Variants in DHX38 observed in about 807,000 individuals in gnomAD.
DHX38 encodes pre-mRNA-splicing factor ATP-dependent RNA helicase PRP16.
DHX38 carries 100 observed loss-of-function variants against 153.1 expected under a neutral mutation model. The ratio of observed to expected loss-of-function variants is 0.65; its 90% CI spans 0.56 to 0.77. DHX38 has a LOEUF of 0.77. Ranked by LOEUF, DHX38 falls within the 30% of genes least tolerant of loss-of-function variation. The probability of loss-of-function intolerance (pLI) is 0.00; values close to 1 mark genes in which losing one functional copy is unlikely to be tolerated. For missense variants in DHX38, 1,440 were observed against 1,654.0 expected (o/e 0.87, Z 2.24); for synonymous variants, 650 against 631.7 (o/e 1.03, Z -0.43).
At position 72,099,893 on chromosome 16, in the gene DHX38, G is replaced by T. The variant is rs113909025; in HGVS notation, c.1116+6G>T. On this transcript the variant is annotated splice_donor_region_variant and intron_variant, in intron 8 of 26. Transcript: ENST00000268482. ...AGCGGAGACAGATCAATGAGGTGAG[G>T]CTGCCTGCAGAAGTTGGAGCAGATT... 1 of 1,596,242 alleles carries T rather than the reference G, an allele frequency of 6.3e-7. No homozygotes were observed. Among genetic ancestry groups the T allele is most frequent in the African/African-American group, 1.3e-5 (1 of 74,614 alleles).
intron 19 of DHX38, 116 bp downstream of exon 19, chr16:72,106,233 G>C: frequency 1.2e-6 from 1 of 866,882 alleles, no homozygotes; most frequent in South Asian, 1.6e-5. Context: ...GCTGGAAGCT[G>C]CTGGCAGGGC....
At chr16:72,111,812 A>T (rs1476894977) in intron 26 of DHX38, among the ~76,000 whole-genome samples, 1 of 152,314 alleles carries the variant, frequency 6.6e-6, no homozygotes, top group East Asian at 1.9e-4. Context: ...TTACTTAGGC[A>T]TGAATGACTG....
intron 19 of DHX38, 52 bp downstream of exon 19, chr16:72,106,169 C>A (rs781773082): frequency 1.3e-6 from 2 of 1,572,118 alleles, no homozygotes; most frequent in Admixed American, 3.4e-5. Flanking sequence ...GGTTGCTGAG[C>A]GTGGAGCCCG....
chr16:72,107,857 G>A lies in DHX38; in HGVS notation c.2964+58G>A, dbSNP rs2042201267. 6.3e-7 allele frequency: 1 copy of A among 1,583,822 alleles called. No homozygotes were observed. Among genetic ancestry groups the A allele is most frequent in the Admixed American group, 1.7e-5 (1 of 58,840 alleles). On this transcript the variant is annotated intron_variant, in intron 21 of 26. Coordinates refer to ENST00000268482, the MANE Select transcript of DHX38 (RefSeq NM_014003.4). The surrounding 1 kb of genome is among the most constrained non-coding windows in gnomAD (Gnocchi z 5.3). ...GGGCTCGAGGAAGTGTTGGGGAGGG[G>A]AATGGCTTCTCTCTGTATTACTGAA...
At position 72,110,953 on chromosome 16, in the gene DHX38, T is replaced by C. The variant is rs1287382264; in HGVS notation, c.3478-3T>C. The C allele has an allele frequency of 6.3e-7, 1 of 1,585,984 alleles. No homozygotes were observed. Among genetic ancestry groups the C allele is most frequent in the Non-Finnish European group, 8.6e-7 (1 of 1,165,648 alleles). ...CTCAGCCAGGTCTGTCCCTCTTCAA[T>C]AGGAGAACCGTCGTCGGGCCAAAGA... is the stretch of plus-strand genomic sequence containing the variant. On this transcript the variant is annotated splice_polypyrimidine_tract_variant and splice_region_variant and intron_variant, in intron 25 of 26. Coordinates refer to ENST00000268482, the MANE Select transcript of DHX38 (RefSeq NM_014003.4).
rs75904207 is a variant in DHX38, at chr16:72,095,727, A to G, written c.-19-412A>G. Among the ~76,000 whole-genome samples, 297 of 152,352 alleles carry G rather than the reference A, an allele frequency of 1.9e-3. 1 individual carries two copies. Among genetic ancestry groups the G allele is most frequent in the African/African-American group, 6.5e-3 (270 of 41,580 alleles). On this transcript the variant is annotated intron_variant, in intron 1 of 26. Coordinates refer to ENST00000268482, the MANE Select transcript of DHX38 (RefSeq NM_014003.4). ...GTTATTTGCTTACCATCATACAGGTAGAAAGTGTCAAGAGCCTGGTTTCTA... is the reference window on the plus strand; with the variant it reads ...GTTATTTGCTTACCATCATACAGGTGGAAAGTGTCAAGAGCCTGGTTTCTA...
rs766823639 is a variant in DHX38, at chr16:72,107,539, G to T, written c.2800G>T (p.Asp934Tyr). The change falls in exon 20 of 27, where the codon GAC becomes TAC. Residue 934 changes from aspartate (D) to tyrosine (Y), a missense_variant. Coordinates refer to ENST00000268482, the MANE Select transcript of DHX38 (RefSeq NM_014003.4). The surrounding 1 kb of genome is among the most constrained non-coding windows in gnomAD (Gnocchi z 5.3). Reference protein sequence around the residue: ...MYQLWILGALDNTGGLTSTGR... With the variant: ...MYQLWILGALYNTGGLTSTGR... ...TCAGCTCTGGATCCTCGGGGCCCTG[G>T]ACAACACAGGTGAGGCGGCCCCGGG... is the stretch of plus-strand genomic sequence containing the variant. 6.2e-7 allele frequency: 1 copy of T among 1,613,236 alleles called. No individual in the cohort carries two copies. Among genetic ancestry groups the T allele is most frequent in the South Asian group, 1.1e-5 (1 of 91,058 alleles).
At chr16:72,100,932 C>CAA in intron 9 of DHX38, 154 bp from the exon 10 acceptor site, 5 of 749,162 alleles carry the variant, frequency 6.7e-6, no homozygotes, top group Non-Finnish European at 1.1e-5. Flanking sequence ...GTCTCACACA[C>CAA]AAAAAAGGCC....
At chr16:72,099,412 T>C in intron 7 of DHX38, 132 bp downstream of exon 7, 1 of 837,486 alleles carries the variant, frequency 1.2e-6, no homozygotes, top group South Asian at 1.8e-5. Flanking sequence ...GGAGTCTCTT[T>C]GCAGAGGCAT....
intron 1 of DHX38, 68 bp downstream of exon 1, chr16:72,094,119 G>C (rs1037582489): frequency 3.3e-5 from 5 of 152,640 alleles, no homozygotes; most frequent in African/African-American, 1.2e-4. Context: ...GGCGGATATT[G>C]GTCCCCTGCT....
At position 72,105,631 on chromosome 16, in the gene DHX38, G is replaced by A; in HGVS notation, c.2487+7G>A. The A allele has an allele frequency of 6.2e-7, 1 of 1,613,988 alleles. No homozygotes were observed. Among genetic ancestry groups the A allele is most frequent in the Non-Finnish European group, 8.5e-7 (1 of 1,179,878 alleles). ...TGGTTATTGCAAATTAAAGGTAAGAGAAGACATGGGAGGCAAGGCCTGGGT... is the reference window on the plus strand; with the variant it reads ...TGGTTATTGCAAATTAAAGGTAAGAAAAGACATGGGAGGCAAGGCCTGGGT... On this transcript the variant is annotated splice_region_variant and intron_variant, in intron 18 of 26. Coordinates refer to ENST00000268482, the MANE Select transcript of DHX38 (RefSeq NM_014003.4).
At chr16:72,095,367 T>C (rs1196923154) in intron 1 of DHX38, among the ~76,000 whole-genome samples, 4 of 152,176 alleles carry the variant, frequency 2.6e-5, no homozygotes, top group Non-Finnish European at 5.9e-5. Flanking sequence ...TTGTTTTCTG[T>C]AAAACGCAGC....
rs372869752 is a variant in DHX38 at position 72,109,522 on chromosome 16, G to T, written c.3477+12G>T. On this transcript the variant is annotated intron_variant, in intron 25 of 26. Coordinates refer to ENST00000268482, the MANE Select transcript of DHX38 (RefSeq NM_014003.4). The stretch of plus-strand genomic sequence containing the variant: ...GCAAGTCACGGCAGGTGAGGATTCT[G>T]TGCTCTTCGCAGGGGTGCTGTTTGC... The T allele has an allele frequency of 1.9e-6, 3 of 1,608,020 alleles. No homozygotes were observed. Among genetic ancestry groups the T allele is most frequent in the Non-Finnish European group, 2.5e-6 (3 of 1,177,632 alleles).
rs565239211 is a variant in DHX38, at chr16:72,107,480, C to T, written c.2741C>T (p.Pro914Leu). 1 of 1,614,162 alleles carries T rather than the reference C, an allele frequency of 6.2e-7. No homozygotes were observed. Residue 914 changes from proline to leucine, a missense_variant, in exon 20 of 27, where the codon CCG becomes CTG. Physicochemically the swap from Pro to Leu is moderately conservative, Grantham distance 98. This residue lies in a region of DHX38 where 543 missense variants were observed against 717.9 expected (regional missense o/e 0.76). Transcript: ENST00000268482. This position sits in a 1 kb window ranked among gnomAD's most constrained non-coding sequence, Gnocchi z 5.3. ...QDLLQFHFMD[P>L]PPEDNMLNSM... is the part of the protein sequence containing the mutation. ...CTGCTGCAGTTCCACTTCATGGACC[C>T]GCCCCCGGAGGACAACATGCTCAAC... is the stretch of plus-strand genomic sequence containing the variant.
chr16:72,101,531 C>A lies in DHX38; in HGVS notation c.1418C>A (p.Thr473Asn). ...AQHKHWELAG[T>N]KLGDIMGVKK... ...CACAAACACTGGGAACTGGCGGGGA[C>A]CAAACTGGGAGATATAATGGGCGTC... Residue 473 changes from threonine (T) to asparagine (N), a missense_variant, in exon 11 of 27, where the codon ACC (threonine) becomes AAC (asparagine). By Grantham distance (65) the Thr-to-Asn change is moderately conservative. Transcript: ENST00000268482. 2.6e-6 allele frequency: 4 copies of A among 1,551,988 alleles called. No individual in the cohort carries two copies. Among genetic ancestry groups the A allele is most frequent in the Non-Finnish European group, 3.5e-6 (4 of 1,147,200 alleles).
intron 25 of DHX38, among the ~76,000 whole-genome samples, chr16:72,110,155 A>T (rs113111035): frequency 2.0e-5 from 3 of 152,170 alleles, no homozygotes; most frequent in Admixed American, 2.0e-4. Flanking sequence ...GCTTTTTTTC[A>T]TGACATTGAT....
chr16:72,103,605 C>G lies in DHX38; in HGVS notation c.1641C>G (p.Asp547Glu), dbSNP rs1292177101. The G allele has an allele frequency of 8.7e-6, 14 of 1,607,130 alleles. No individual in the cohort carries two copies. The highest frequency in any genetic ancestry group is 2.7e-5 in the African/African-American group (2 of 74,816). Residue 547 changes from aspartate (D) to glutamate (E), a missense_variant, in exon 13 of 27, where the codon GAC becomes GAG. Physicochemically the swap from Asp to Glu is conservative, Grantham distance 45. This residue lies in a region of DHX38 where 241 missense variants were observed against 229.5 expected (regional missense o/e 1.05). Transcript: ENST00000268482. ...CTTTGCCTGCTTGTCCTTGTAGAGA[C>G]AACAGCATCGTGATCGTGGTTGGGG... ...VQQELLTIIR[D>E]NSIVIVVGET...
In DHX38 at chr16:72,098,592, C is replaced by A. The variant is rs901908280; in HGVS notation, c.617-53C>A. 3.7e-6 allele frequency: 6 copies of A among 1,600,554 alleles called. No individual in the cohort carries two copies. In the African/African-American group the frequency reaches 8.0e-5, roughly 21 times the overall value. ...TTGACTTTTGGCAACTGGTTCTAGA[C>A]CATGTCATGGTTAAGTGAGATGTTT... is the stretch of plus-strand genomic sequence containing the variant. On this transcript the variant is annotated intron_variant, in intron 4 of 26. Transcript: ENST00000268482.
Position 72,101,143 on chromosome 16 carries a change from A to C in DHX38, c.1336A>C (p.Lys446Gln), listed in dbSNP as rs751397301. The C allele has an allele frequency of 1.2e-6, 2 of 1,614,264 alleles. No homozygotes were observed. The highest frequency in any genetic ancestry group is 1.7e-6 in the Non-Finnish European group (2 of 1,180,048). Residue 446 changes from lysine (K) to glutamine (Q), a missense_variant, in exon 10 of 27, where the codon AAA becomes CAA. Around this residue, in one of 6 missense-constraint regions of DHX38, gnomAD observed 241 missense variants for 229.5 expected, o/e 1.05. Coordinates refer to ENST00000268482, the MANE Select transcript of DHX38 (RefSeq NM_014003.4). ...ATSDLAIIAR[K>Q]GSQTVRKHRE... ...TTCTGACCTGGCCATCATTGCTCGG[A>C]AAGGCAGCCAGACAGTGCGGAAGCA...
Sources: gnomAD v4.1 joint callset for allele counts (sites outside exome capture counted in the v4.1 genomes callset) on GRCh38, gnomAD v4.1.1 for gene constraint, gnomAD v4.1.1 regional missense constraint, Gnocchi (gnomAD v3.1) non-coding constraint, MANE v1.5 for transcripts, NCBI Gene and HGNC (gene_info 2026-07-23, HGNC 2026-07-21) for gene names.